Variants in LRRTM4 observed in about 807,000 individuals in gnomAD.
The protein encoded by LRRTM4 is leucine rich repeat transmembrane neuronal 4.
In LRRTM4, 25 loss-of-function variants were observed where a neutral mutation model predicts 47.6. That is an observed-to-expected ratio of 0.53 (90% CI 0.38 to 0.73). LRRTM4 has a LOEUF of 0.73. Among genes scored for constraint, LRRTM4 ranks in the 30% least tolerant of loss-of-function variants. The pLI is 0.00. For missense variants in LRRTM4, 638 were observed against 713.4 expected (o/e 0.89, Z 1.20); for synonymous variants, 311 against 269.5 (o/e 1.15, Z -1.51).
intron 3 of LRRTM4, among the ~76,000 whole-genome samples, chr2:76,859,517 A>G (rs13394242): frequency 0.016 from 2,416 of 152,304 alleles, 66 homozygotes; most frequent in African/African-American, 0.056. Context: ...GCTGGTTAAT[A>G]GCATAGTTGA....
Position 77,240,037 on chromosome 2 carries a change from T to A in LRRTM4, c.1551+278281A>T, listed in dbSNP as rs575633938. Among the ~76,000 whole-genome samples, 5 of 151,952 alleles carry A rather than the reference T, an allele frequency of 3.3e-5. No individual in the cohort carries two copies. In the South Asian group the frequency reaches 8.3e-4, roughly 25 times the overall value. ...TCAAGATAGACCATATTCTGGGTCA[T>A]AAAATAAACTTTAAAATATTTACAA... On this transcript the variant is annotated intron_variant, in intron 3 of 3. Coordinates refer to ENST00000409884, the MANE Select transcript of LRRTM4 (RefSeq NM_001134745.3).
chr2:77,003,563 T>G (rs189042117), intron 3 of LRRTM4, among the ~76,000 whole-genome samples: 8 of 152,198 alleles, frequency 5.3e-5, no homozygotes, highest in Non-Finnish European at 8.8e-5. Context: ...GATGTGACTT[T>G]GATCCTCATT....
intron 3 of LRRTM4, among the ~76,000 whole-genome samples, chr2:77,240,898 G>T (rs1459266603): frequency 6.6e-6 from 1 of 151,876 alleles, no homozygotes; most frequent in Non-Finnish European, 1.5e-5. Flanking sequence ...ATAATGAAAA[G>T]TTTATAGAAT....
At position 76,947,750 on chromosome 2, in the gene LRRTM4, A is replaced by G. The variant is rs116658657; in HGVS notation, c.1552-198834T>C. Among the ~76,000 whole-genome samples, 528 of 152,024 alleles carry G rather than the reference A, an allele frequency of 3.5e-3. 1 individual carries two copies. Among genetic ancestry groups the G allele is most frequent in the African/African-American group, 0.01 (430 of 41,530 alleles). ...CTGTTCATTAGAAAGGAATAGCAGT[A>G]TGGTTAATACAATACACCCACTAAC... On this transcript the variant is annotated intron_variant, in intron 3 of 3. Coordinates refer to ENST00000409884, the MANE Select transcript of LRRTM4 (RefSeq NM_001134745.3).
At chr2:77,027,820 G>A (rs1678507199) in intron 3 of LRRTM4, among the ~76,000 whole-genome samples, 3 of 152,030 alleles carry the variant, frequency 2.0e-5, no homozygotes, top group Non-Finnish European at 4.4e-5. Context: ...ATTTATACCA[G>A]GTTGATTTTA....
intron 3 of LRRTM4, among the ~76,000 whole-genome samples, chr2:76,864,557 T>A (rs1389328218): frequency 6.6e-6 from 1 of 151,180 alleles, no homozygotes; most frequent in Admixed American, 6.6e-5. Context: ...CTCGGGAGGC[T>A]GAGGCAGGGG....
At chr2:76,983,275 C>A (rs2103971081) in intron 3 of LRRTM4, among the ~76,000 whole-genome samples, 1 of 152,100 alleles carries the variant, frequency 6.6e-6, no homozygotes, top group Middle Eastern at 3.4e-3. Flanking sequence ...TTTATAGACC[C>A]TAAGTCACAC....
At chr2:76,845,142 A>C (rs1454747685) in intron 3 of LRRTM4, among the ~76,000 whole-genome samples, 1 of 152,226 alleles carries the variant, frequency 6.6e-6, no homozygotes, top group Non-Finnish European at 1.5e-5. Flanking sequence ...AAAGACAATC[A>C]GAATAATAAT....
At chr2:77,490,773 C>T (rs545577255) in intron 3 of LRRTM4, among the ~76,000 whole-genome samples, 1 of 152,268 alleles carries the variant, frequency 6.6e-6, no homozygotes, top group African/African-American at 2.4e-5. Context: ...AAGCTCGATG[C>T]TGGACACAAT....
intron 3 of LRRTM4, among the ~76,000 whole-genome samples, chr2:77,155,547 C>T (rs1216923213): frequency 6.6e-6 from 1 of 151,380 alleles, no homozygotes; most frequent in Non-Finnish European, 1.5e-5. Flanking sequence ...CACATAGAAA[C>T]TTTGAATAAT....
intron 3 of LRRTM4, among the ~76,000 whole-genome samples, chr2:77,274,920 A>G (rs1251435938): frequency 6.6e-6 from 1 of 152,186 alleles, no homozygotes; most frequent in Non-Finnish European, 1.5e-5. Flanking sequence ...AATGGGTTCC[A>G]TCACATAAAC....
At chr2:76,959,504 G>T (rs1466286950) in intron 3 of LRRTM4, among the ~76,000 whole-genome samples, 2 of 151,522 alleles carry the variant, frequency 1.3e-5, no homozygotes, top group African/African-American at 4.8e-5. Flanking sequence ...TAAAAATGGG[G>T]TTTGTTCCAT....
At chr2:77,361,032 A>T (rs1253593795) in intron 3 of LRRTM4, among the ~76,000 whole-genome samples, 3 of 152,070 alleles carry the variant, frequency 2.0e-5, no homozygotes, top group Non-Finnish European at 2.9e-5. Context: ...TGAATACATT[A>T]AAAAAACTCA....
intron 3 of LRRTM4, among the ~76,000 whole-genome samples, chr2:76,815,012 G>A (rs1030935462): frequency 6.6e-5 from 10 of 152,188 alleles, no homozygotes; most frequent in African/African-American, 1.4e-4. Context: ...GAGGTGTGGC[G>A]GGGTGGAGAT....
intron 3 of LRRTM4, among the ~76,000 whole-genome samples, chr2:77,076,460 G>C (rs1332018539): frequency 6.6e-6 from 1 of 152,114 alleles, no homozygotes; most frequent in African/African-American, 2.4e-5. Flanking sequence ...GTCAGAGAAT[G>C]AAACAAGCAG....
chr2:77,237,608 G>C (rs910885803), intron 3 of LRRTM4, among the ~76,000 whole-genome samples: 1 of 152,044 alleles, frequency 6.6e-6, no homozygotes, highest in African/African-American at 2.4e-5. Context: ...CCTTCTGCTA[G>C]CTTTGGGGGT....
chr2:77,287,570 A>G (rs192470269), intron 3 of LRRTM4, among the ~76,000 whole-genome samples: 114 of 152,146 alleles, frequency 7.5e-4, no homozygotes, highest in African/African-American at 2.5e-3. Context: ...ATTCATGAGT[A>G]TTAAATGACG....
chr2:77,065,212 AT>A, intron 3 of LRRTM4, among the ~76,000 whole-genome samples: 1 of 152,246 alleles, frequency 6.6e-6, no homozygotes, highest in East Asian at 1.9e-4. Flanking sequence ...CCTGTTGCTA[AT>A]TAGGAGGCAA....
chr2:77,074,404 C>T (rs1284693889), intron 3 of LRRTM4, among the ~76,000 whole-genome samples: 1 of 152,050 alleles, frequency 6.6e-6, no homozygotes, highest in African/African-American at 2.4e-5. Flanking sequence ...TCTGTTGAAA[C>T]TGACTTTATC....
Sources: gnomAD v4.1 joint callset for allele counts (sites outside exome capture counted in the v4.1 genomes callset) on GRCh38, gnomAD v4.1.1 for gene constraint, MANE v1.5 for transcripts, NCBI Gene and HGNC (gene_info 2026-07-23, HGNC 2026-07-21) for gene names.